ST6GAL2: variants seen among roughly 807,000 people sequenced by gnomAD.
The protein encoded by ST6GAL2 is beta-galactoside alpha-2,6-sialyltransferase 2.
In ST6GAL2, 24 loss-of-function variants were observed where a neutral mutation model predicts 37.5. The observed-to-expected ratio is 0.64, with a 90% CI of 0.46 to 0.90. The LOEUF (loss-of-function observed/expected upper bound fraction) is 0.90, where lower values mean the gene tolerates loss of function less well. Ranked by LOEUF, ST6GAL2 falls within the 40% of genes least tolerant of loss-of-function variation. The pLI, the probability that ST6GAL2 is intolerant of heterozygous loss-of-function variation, is 0.00. For missense variants in ST6GAL2, 715 were observed against 712.7 expected (o/e 1.00, Z -0.04); for synonymous variants, 306 against 295.1 (o/e 1.04, Z -0.38).
intron 1 of ST6GAL2, among the ~76,000 whole-genome samples, chr2:106,871,174 A>T (rs1370569344): frequency 6.6e-6 from 1 of 152,222 alleles, no homozygotes. Context: ...TTTGTGTCTA[A>T]ACATATCTAA....
intron 1 of ST6GAL2, among the ~76,000 whole-genome samples, chr2:106,856,706 T>G (rs952149078): frequency 1.3e-5 from 2 of 152,144 alleles, no homozygotes; most frequent in African/African-American, 4.8e-5. Flanking sequence ...CTTGTTACTG[T>G]GTGGTGAAGC....
chr2:106,826,883 T>C (rs569320808), intron 5 of ST6GAL2, among the ~76,000 whole-genome samples: 1 of 152,296 alleles, frequency 6.6e-6, no homozygotes, highest in East Asian at 1.9e-4. Context: ...GTATAGGAAG[T>C]GGGGCACACT....
At chr2:106,813,326 T>C in intron 5 of ST6GAL2, 1 of 715,000 alleles carries the variant, frequency 1.4e-6, no homozygotes, top group African/African-American at 1.8e-5. Context: ...TTAAACATCA[T>C]ATAACGCAAG....
chr2:106,867,724 A>C (rs1297723636), intron 1 of ST6GAL2, among the ~76,000 whole-genome samples: 2 of 151,948 alleles, frequency 1.3e-5, no homozygotes, highest in East Asian at 3.9e-4. Context: ...CCGCCGCCAA[A>C]ATGAGCACTG....
intron 1 of ST6GAL2, among the ~76,000 whole-genome samples, chr2:106,846,839 C>T (rs1414275388): frequency 1.3e-5 from 2 of 152,188 alleles, no homozygotes; most frequent in African/African-American, 4.8e-5. Flanking sequence ...GTGGTTAGCA[C>T]TTGTTCTGGA....
At chr2:106,809,588 A>G (rs750069597) in intron 5 of ST6GAL2, among the ~76,000 whole-genome samples, 7 of 152,194 alleles carry the variant, frequency 4.6e-5, no homozygotes, top group Non-Finnish European at 1.0e-4. Context: ...AAAGTTCAGC[A>G]TGGAAAAGAA....
At chr2:106,815,112 A>G (rs906045252) in intron 5 of ST6GAL2, among the ~76,000 whole-genome samples, 2 of 152,238 alleles carry the variant, frequency 1.3e-5, no homozygotes, top group East Asian at 1.9e-4. Context: ...GAGATAGTAC[A>G]TGTAACACAA....
At chr2:106,812,066 G>A (rs1675632009) in intron 5 of ST6GAL2, among the ~76,000 whole-genome samples, 1 of 152,268 alleles carries the variant, frequency 6.6e-6, no homozygotes, top group Admixed American at 6.5e-5. Flanking sequence ...TTAATGTGAT[G>A]GTATTAGGAA....
chr2:106,871,037 A>G (rs149101491), intron 1 of ST6GAL2, among the ~76,000 whole-genome samples: 169 of 152,300 alleles, frequency 1.1e-3, no homozygotes, highest in Admixed American at 3.7e-3. Context: ...GTACTCACAA[A>G]AAATCTAGAT....
At position 106,885,200 on chromosome 2, in the gene ST6GAL2, G is replaced by A. The variant is rs902057772; in HGVS notation, c.-58+893C>T. 4.0e-5 allele frequency among the ~76,000 whole-genome samples: 6 copies of A among 151,892 alleles called. No homozygotes were observed. In the East Asian group the frequency reaches 9.7e-4, roughly 25 times the overall value. ...CCAAGCAGGCAGTCCTCGGCGAGGA[G>A]GGTCAGCATGCCCCTTTATGGTCAG... On this transcript the variant is annotated intron_variant, in intron 1 of 5. Coordinates refer to ENST00000409382, the MANE Select transcript of ST6GAL2 (RefSeq NM_001142351.2).
At chr2:106,842,895 C>T in intron 2 of ST6GAL2, 140 bp downstream of exon 2, 1 of 534,526 alleles carries the variant, frequency 1.9e-6, no homozygotes, top group South Asian at 6.0e-5. Flanking sequence ...CCTGAAGAAT[C>T]TCCAGCTAAT....
intron 5 of ST6GAL2, among the ~76,000 whole-genome samples, chr2:106,825,931 C>T (rs191764211): frequency 1.3e-5 from 2 of 152,202 alleles, no homozygotes; most frequent in African/African-American, 2.4e-5. Context: ...AGGATTCAGG[C>T]GCCAGTAACA....
chr2:106,857,663 T>C (rs529079179), intron 1 of ST6GAL2, among the ~76,000 whole-genome samples: 5 of 151,770 alleles, frequency 3.3e-5, no homozygotes, highest in Non-Finnish European at 2.9e-5. Flanking sequence ...TGTTCTGGAG[T>C]CAAATATAAA....
chr2:106,825,182 A>T (rs974436048), intron 5 of ST6GAL2, among the ~76,000 whole-genome samples: 4 of 152,194 alleles, frequency 2.6e-5, no homozygotes, highest in Admixed American at 2.6e-4. Context: ...TAACAAAGAT[A>T]ATGTAGCAGA....
At chr2:106,874,396 G>C (rs190094668) in intron 1 of ST6GAL2, among the ~76,000 whole-genome samples, 2 of 152,188 alleles carry the variant, frequency 1.3e-5, no homozygotes, top group Admixed American at 1.3e-4. Context: ...TGGCTAAGAG[G>C]GGAGTAGGAA....
At chr2:106,872,657 T>C (rs2104622486) in intron 1 of ST6GAL2, among the ~76,000 whole-genome samples, 1 of 137,422 alleles carries the variant, frequency 7.3e-6, no homozygotes, top group East Asian at 2.3e-4. Flanking sequence ...TCACCCAGGG[T>C]GGAGTGCAGT....
chr2:106,839,390 T>A (rs1676781637), intron 2 of ST6GAL2, among the ~76,000 whole-genome samples: 1 of 152,160 alleles, frequency 6.6e-6, no homozygotes, highest in Non-Finnish European at 1.5e-5. Flanking sequence ...CTTGTCAGCC[T>A]ACATATCTCT....
At chr2:106,881,611 T>C (rs942199481) in intron 1 of ST6GAL2, among the ~76,000 whole-genome samples, 3 of 152,216 alleles carry the variant, frequency 2.0e-5, no homozygotes, top group African/African-American at 7.2e-5. Context: ...TCTAAGAGAC[T>C]TACCCTTTCC....
chr2:106,817,274 C>T (rs147128814), intron 5 of ST6GAL2, among the ~76,000 whole-genome samples: 168 of 152,352 alleles, frequency 1.1e-3, no homozygotes, highest in African/African-American at 2.2e-3. Context: ...CTTCCCCCAA[C>T]TCCAGGCAGC....
Sources: gnomAD v4.1 joint callset for allele counts (sites outside exome capture counted in the v4.1 genomes callset) on GRCh38, gnomAD v4.1.1 for gene constraint, MANE v1.5 for transcripts, NCBI Gene and HGNC (gene_info 2026-07-23, HGNC 2026-07-21) for gene names.